PRH1: variants seen among roughly 807,000 people sequenced by gnomAD.
PRH1 encodes the protein proline rich protein HaeIII subfamily 1.
A neutral mutation model predicts 7.9 loss-of-function variants in PRH1; 7 were observed. The ratio of observed to expected loss-of-function variants is 0.89; its 90% confidence interval spans 0.50 to 1.67. The LOEUF is 1.67. Among genes scored for constraint, PRH1 ranks in the 40% most tolerant of loss-of-function variants. PRH1 has a pLI of 0.00. For synonymous variants in PRH1, 45 were observed against 80.8 expected (o/e 0.56, Z 2.38); for missense variants, 109 against 223.6 (o/e 0.49, Z 3.27).
At chr12:11,170,539 TC>T (rs1679405880) in intron 1 of PRH1, among the ~76,000 whole-genome samples, 2 of 152,202 alleles carry the variant, frequency 1.3e-5, no homozygotes, top group East Asian at 3.9e-4. Context: ...AGAGCGAGAC[TC>T]CCGTCTCAAA....
chr12:10,996,986 A>G lies in PRH1; in HGVS notation c.-125-23265T>C, dbSNP rs772352853. ...GTTCTGTCCTTTTGCCCAGCAAGTC[A>G]CCTGCCACAAAACTGAAAGAAAGGT... is the stretch of plus-strand genomic sequence containing the variant. On this transcript the variant is annotated intron_variant, in intron 1 of 3. Coordinates refer to the PRH1 transcript ENST00000539853. 1.2e-5 allele frequency: 20 copies of G among 1,610,970 alleles called. No individual in the cohort carries two copies. In the Admixed American group the frequency reaches 3.2e-4, roughly 26 times the overall value.
At chr12:11,013,120 T>C (rs1165363471) in intron 1 of PRH1, among the ~76,000 whole-genome samples, 1 of 152,084 alleles carries the variant, frequency 6.6e-6, no homozygotes, top group African/African-American at 2.4e-5. Context: ...AAAATATATC[T>C]GAAAATACCC....
chr12:10,943,253 A>G (rs939375123), intron 2 of PRH1, among the ~76,000 whole-genome samples: 55 of 152,026 alleles, frequency 3.6e-4, no homozygotes, highest in African/African-American at 1.3e-3. Flanking sequence ...TGTTTTTCAC[A>G]TTTTAGTAAT....
chr12:11,160,061 T>C (rs745413812), intron 1 of PRH1, among the ~76,000 whole-genome samples: 1 of 152,322 alleles, frequency 6.6e-6, no homozygotes, highest in South Asian at 2.1e-4. Context: ...TATGTAAACA[T>C]GCAAAAATGA....
At chr12:11,168,264 GAA>G (rs1555178275) in intron 1 of PRH1, among the ~76,000 whole-genome samples, 26 of 34,082 alleles carry the variant, frequency 7.6e-4, no homozygotes, top group Non-Finnish European at 1.6e-3. Flanking sequence ...AAGAAAGAAA[GAA>G]AGAAAGAAAG....
At chr12:11,160,737 T>C (rs1488497828) in intron 1 of PRH1, among the ~76,000 whole-genome samples, 1 of 152,046 alleles carries the variant, frequency 6.6e-6, no homozygotes, top group Non-Finnish European at 1.5e-5. Context: ...CCTCCAAAAG[T>C]GCTGGGATTA....
chr12:10,964,708 T>G lies in PRH1; in HGVS notation c.-59+8947A>C. 6.1e-6 allele frequency: 4 copies of G among 653,934 alleles called. No individual in the cohort carries two copies. In the South Asian group the frequency reaches 6.4e-5, roughly 11 times the overall value. 40.5% of individuals were successfully genotyped at this position (653,934 alleles called of 1,614,324 possible). A position where few individuals can be genotyped will look rare whatever the true frequency, so the allele number is the denominator to read the frequency against. On this transcript the variant is annotated intron_variant, in intron 2 of 3. Coordinates refer to the PRH1 transcript ENST00000539853. ...GGACCTTGGTGTTGGAATCTGGAGA[T>G]CCTTTGCCATGGAACTGCATCTTCT...
rs35998107 is a variant in PRH1, at chr12:10,905,014, T to TAA, written c.-58-20741_-58-20740dup. Among the ~76,000 whole-genome samples the TAA allele has an allele frequency of 6.8e-3, 1,000 of 146,290 alleles. 6 individuals are homozygous for TAA. The highest frequency in any genetic ancestry group is 0.014 in the East Asian group (70 of 4,992). ...GTCAGAATAGCTACTATCAAAAAGT[T>TAA]AAAAAAAAAAAAACAGATGCTAGTG... On this transcript the variant is annotated intron_variant, in intron 2 of 3. Transcript: ENST00000539853.
At chr12:11,053,262 CTG>C (rs1316990742) in intron 1 of PRH1, among the ~76,000 whole-genome samples, 5 of 152,120 alleles carry the variant, frequency 3.3e-5, no homozygotes, top group Non-Finnish European at 7.4e-5. Context: ...AAAAGGTGCT[CTG>C]TGCCTTTGAA....
At chr12:11,113,783 C>A (rs572462864) in intron 1 of PRH1, among the ~76,000 whole-genome samples, 1 of 152,008 alleles carries the variant, frequency 6.6e-6, no homozygotes, top group Non-Finnish European at 1.5e-5. Context: ...AGGCAACCTA[C>A]AGAATGGGAG....
intron 1 of PRH1, among the ~76,000 whole-genome samples, chr12:11,122,035 C>T (rs796713715): frequency 3.9e-5 from 4 of 103,684 alleles, no homozygotes; most frequent in Non-Finnish European, 9.5e-5. Flanking sequence ...GAAATGTACT[C>T]GGCTTCATAA....
intron 1 of PRH1, chr12:10,997,330 T>C: frequency 6.2e-7 from 1 of 1,614,104 alleles, no homozygotes; most frequent in Non-Finnish European, 8.5e-7. Context: ...TCAAGTTTGC[T>C]AGCATGGCTA....
chr12:10,964,523 G>T, intron 2 of PRH1: 1 of 262,498 alleles, frequency 3.8e-6, no homozygotes, highest in South Asian at 7.0e-5. Flanking sequence ...TAGGATGAAT[G>T]AATGAAATGA....
chr12:10,952,301 G>A (rs532719052), intron 2 of PRH1, among the ~76,000 whole-genome samples: 61 of 152,300 alleles, frequency 4.0e-4, no homozygotes, highest in Middle Eastern at 6.8e-3. Flanking sequence ...TCATCAAAGA[G>A]CTTGCAAGCA....
chr12:10,929,935 A>G (rs1950179527), intron 2 of PRH1, among the ~76,000 whole-genome samples: 1 of 152,210 alleles, frequency 6.6e-6, no homozygotes, highest in Non-Finnish European at 1.5e-5. Context: ...AAACATAAAC[A>G]ACATATTTAC....
intron 1 of PRH1, among the ~76,000 whole-genome samples, chr12:10,991,201 C>T (rs1939915291): frequency 3.9e-5 from 6 of 151,960 alleles, no homozygotes; most frequent in Admixed American, 3.9e-4. Context: ...TGAGTGTAGA[C>T]CATTATTTCA....
intron 1 of PRH1, among the ~76,000 whole-genome samples, chr12:11,168,527 TTCG>T (rs2136479251): frequency 6.6e-6 from 1 of 152,240 alleles, no homozygotes; most frequent in African/African-American, 2.4e-5. Flanking sequence ...CAAAAAAGTT[TTCG>T]TCAAGGCTTT....
intron 1 of PRH1, among the ~76,000 whole-genome samples, chr12:11,123,980 T>C (rs1295900816): frequency 6.6e-6 from 1 of 152,248 alleles, no homozygotes; most frequent in Non-Finnish European, 1.5e-5. Context: ...TTTTCTGTTT[T>C]AGTATGTTAG....
intron 1 of PRH1, among the ~76,000 whole-genome samples, chr12:11,002,954 A>G (rs975407278): frequency 2.0e-5 from 3 of 152,032 alleles, no homozygotes; most frequent in African/African-American, 7.2e-5. Flanking sequence ...TACATACTTT[A>G]ATATTTGTAC....
Sources: allele counts gnomAD v4.1 joint callset (sites outside exome capture counted in the v4.1 genomes callset), GRCh38; gene constraint gnomAD v4.1.1; transcripts MANE v1.5; gene names NCBI Gene and HGNC (gene_info 2026-07-23, HGNC 2026-07-21).